Variants in GID8 observed in about 807,000 individuals in gnomAD.
The protein encoded by GID8 is glucose-induced degradation protein 8 homolog.
Under a neutral mutation model 27.4 loss-of-function variants are expected in GID8, and 6 were observed. The observed-to-expected ratio is 0.22, with a 90% CI of 0.12 to 0.43. The LOEUF (loss-of-function observed/expected upper bound fraction) is 0.43, where lower values mean the gene tolerates loss of function less well. GID8 is among the 20% of genes least tolerant of loss of function. The probability of loss-of-function intolerance (pLI) is 1.00; values close to 1 mark genes in which losing one functional copy is unlikely to be tolerated. For missense variants in GID8, 173 were observed against 287.6 expected (o/e 0.60, Z 2.88); for synonymous variants, 112 against 109.0 (o/e 1.03, Z -0.17).
intron 1 of GID8, among the ~76,000 whole-genome samples, chr20:62,940,096 G>A (rs952222269): frequency 6.6e-6 from 1 of 151,660 alleles, no homozygotes; most frequent in Non-Finnish European, 1.5e-5. Context: ...TGTTGCTAAA[G>A]CACATGTCAT....
Position 62,946,374 on chromosome 20 carries a change from C to G in GID8, c.*1462C>G, listed in dbSNP as rs147806663. 3.2e-4 allele frequency: 69 copies of G among 212,584 alleles called. No homozygotes were observed. Among genetic ancestry groups the G allele is most frequent in the Non-Finnish European group, 5.3e-4 (55 of 103,748 alleles). The allele number at this position is 212,584 out of a possible 1,614,324, so 13.2% of individuals were successfully genotyped here. ...ACCGTCCTCACCGAGCTCCTGCATCCCTTGAGTGTTGATCAGGAGGCGTCC... is the reference window on the plus strand; with the variant it reads ...ACCGTCCTCACCGAGCTCCTGCATCGCTTGAGTGTTGATCAGGAGGCGTCC... On this transcript the variant is annotated 3_prime_UTR_variant, in exon 5 of 5. Transcript: ENST00000266069.
In GID8 at chr20:62,943,378, A is replaced by G. The variant is rs1601071898; in HGVS notation, c.316-117A>G. 5 of 1,069,666 alleles carry G rather than the reference A, an allele frequency of 4.7e-6. No homozygotes were observed. The East Asian group carries it at 7.2e-5, about 15-fold the overall frequency. The allele number at this position is 1,069,666 out of a possible 1,614,324, so 66.3% of individuals were successfully genotyped here. ...TTTAAAAATGCAAATTTGATAACTCAGAGATGCAAGAAAAGTCTTCCCTCT... is the reference window on the plus strand; with the variant it reads ...TTTAAAAATGCAAATTTGATAACTCGGAGATGCAAGAAAAGTCTTCCCTCT... On this transcript the variant is annotated intron_variant, in intron 3 of 4. Coordinates refer to ENST00000266069, the MANE Select transcript of GID8 (RefSeq NM_017896.3). The surrounding 1 kb of genome is among the most constrained non-coding windows in gnomAD (Gnocchi z 4.7).
chr20:62,938,426 C>T (rs1287030792), intron 1 of GID8, among the ~76,000 whole-genome samples, 173 bp downstream of exon 1: 1 of 151,994 alleles, frequency 6.6e-6, no homozygotes, highest in East Asian at 1.9e-4. Flanking sequence ...GCCCGGACGG[C>T]CGCCCCGCGC....
rs1000619885 is a variant in GID8, at chr20:62,947,631, G to A, written c.*2719G>A. 5 of 152,530 alleles carry A rather than the reference G, an allele frequency of 3.3e-5. No individual in the cohort carries two copies. Among genetic ancestry groups the A allele is most frequent in the African/African-American group, 1.2e-4 (5 of 41,448 alleles). 9.4% of individuals were successfully genotyped at this position (152,530 alleles called of 1,614,324 possible). A position where few individuals can be genotyped will look rare whatever the true frequency, so the allele number is the denominator to read the frequency against. On this transcript the variant is annotated 3_prime_UTR_variant, in exon 5 of 5. Coordinates refer to ENST00000266069, the MANE Select transcript of GID8 (RefSeq NM_017896.3). ...CATAGGGTTATTGCAAGGCAAATGGGAACTAACACATCTTGCCATTTGAAT... is the reference window on the plus strand; with the variant it reads ...CATAGGGTTATTGCAAGGCAAATGGAAACTAACACATCTTGCCATTTGAAT...
chr20:62,945,029 T>G lies in GID8; in HGVS notation c.*117T>G. 7.0e-7 allele frequency: 1 copy of G among 1,436,350 alleles called. No homozygotes were observed. Among genetic ancestry groups the G allele is most frequent in the Admixed American group, 2.9e-5 (1 of 34,912 alleles). 89.0% of individuals were successfully genotyped at this position (1,436,350 alleles called of 1,614,324 possible). The stretch of plus-strand genomic sequence containing the variant: ...GAGAACTCTTTTTCTCCCTTGTACT[T>G]TTTTTTGACCTGGCATCTTTTTATA... On this transcript the variant is annotated 3_prime_UTR_variant, in exon 5 of 5. Coordinates refer to ENST00000266069, the MANE Select transcript of GID8 (RefSeq NM_017896.3).
chr20:62,943,251 A>G lies in GID8; in HGVS notation c.315+68A>G. 8.2e-7 allele frequency: 1 copy of G among 1,218,502 alleles called. No homozygotes were observed. The highest frequency in any genetic ancestry group is 1.2e-6 in the Non-Finnish European group (1 of 848,212). The allele number at this position is 1,218,502 out of a possible 1,614,324, so 75.5% of individuals were successfully genotyped here. A position where few individuals can be genotyped will look rare whatever the true frequency, so the allele number is the denominator to read the frequency against. ...AAGTTAAAGTTATTTGCAATGATTG[A>G]GAAATAACTAGGCTAATTTGCTTTA... On this transcript the variant is annotated intron_variant, in intron 3 of 4. Transcript: ENST00000266069. The surrounding 1 kb of genome is among the most constrained non-coding windows in gnomAD (Gnocchi z 4.7).
At chr20:62,942,526 A>T (rs975671255) in intron 2 of GID8, among the ~76,000 whole-genome samples, 1 of 152,240 alleles carries the variant, frequency 6.6e-6, no homozygotes, top group Non-Finnish European at 1.5e-5. Context: ...AGGGGCACAC[A>T]TGCTGGCTTT....
intron 1 of GID8, among the ~76,000 whole-genome samples, 182 bp downstream of exon 1, chr20:62,938,435 G>C (rs1053902078): frequency 2.0e-5 from 3 of 152,078 alleles, no homozygotes; most frequent in Admixed American, 1.3e-4. Flanking sequence ...GCCGCCCCGC[G>C]CCGGTGCCCA....
Position 62,942,970 on chromosome 20 carries a change from A to G in GID8, c.119-17A>G, listed in dbSNP as rs370213181. ...CTTGCTAACTTTCCTAGCAGTGAAGATGGTTTTTCTATTCAGAGGGCTTTA... is the reference window on the plus strand; with the variant it reads ...CTTGCTAACTTTCCTAGCAGTGAAGGTGGTTTTTCTATTCAGAGGGCTTTA... On this transcript the variant is annotated splice_polypyrimidine_tract_variant and intron_variant, in intron 2 of 4. Transcript: ENST00000266069. 1.0e-5 allele frequency: 16 copies of G among 1,594,358 alleles called. No homozygotes were observed. In the African/African-American group the frequency reaches 1.2e-4, roughly 12 times the overall value.
At chr20:62,940,157 C>T (rs927730847) in intron 1 of GID8, among the ~76,000 whole-genome samples, 7 of 151,924 alleles carry the variant, frequency 4.6e-5, no homozygotes, top group Non-Finnish European at 1.0e-4. Flanking sequence ...TTGGCCTCTC[C>T]TGCAACTCTC....
rs1340439038 is a variant in GID8, at chr20:62,945,974, C to A, written c.*1062C>A. ...TCACTCACAGAACTGTCCCCTGCTC[C>A]GTGGTGGGCAGGAGGGAAGTGGTGC... On this transcript the variant is annotated 3_prime_UTR_variant, in exon 5 of 5. Transcript: ENST00000266069. 6 of 1,289,408 alleles carry A rather than the reference C, an allele frequency of 4.7e-6. No individual in the cohort carries two copies. Among genetic ancestry groups the A allele is most frequent in the South Asian group, 1.2e-5 (1 of 81,030 alleles). The allele number at this position is 1,289,408 out of a possible 1,614,324, so 79.9% of individuals were successfully genotyped here.
chr20:62,939,363 G>T (rs1430694005), intron 1 of GID8, among the ~76,000 whole-genome samples: 4 of 151,940 alleles, frequency 2.6e-5, no homozygotes, highest in Non-Finnish European at 5.9e-5. Context: ...CCCTATCTAC[G>T]CTCTTCCTAT....
chr20:62,944,772 T>C lies in GID8; in HGVS notation c.547T>C (p.Tyr183His). 6.2e-7 allele frequency: 1 copy of C among 1,614,116 alleles called. No individual in the cohort carries two copies. Among genetic ancestry groups the C allele is most frequent in the Non-Finnish European group, 8.5e-7 (1 of 1,179,940 alleles). Residue 183 changes from tyrosine to histidine, a missense_variant, in exon 5 of 5, where the codon TAT (tyrosine) becomes CAT (histidine). Tyr to His is a moderately conservative substitution (Grantham distance 83, BLOSUM62 2). Transcript: ENST00000266069. ...WSEVNQAVLD[Y>H]ENRESTPKLA... ...TGAAGTTAACCAAGCTGTGCTAGAT[T>C]ATGAAAATCGCGAGTCAACACCCAA...
chr20:62,944,873 GA>G lies in GID8; in HGVS notation c.649del (p.Thr217GlnfsTer7). On this transcript the variant is annotated frameshift_variant, in exon 5 of 5. Transcript: ENST00000266069. LOFTEE classifies it high-confidence loss of function. ...AGAAGAAAGTAAAATATCCCAAAAT[GA>G]CAGACCTCAGCAAGGGTGTGATTGA... is the stretch of plus-strand genomic sequence containing the variant. The part of the protein sequence containing the change: ...DQKKVKYPKM[T>X]DLSKGVIEEP... The G allele has an allele frequency of 1.2e-6, 2 of 1,613,878 alleles. No individual in the cohort carries two copies. Among genetic ancestry groups the G allele is most frequent in the Non-Finnish European group, 1.7e-6 (2 of 1,179,864 alleles).
In GID8 at chr20:62,946,331, G is replaced by T; in HGVS notation, c.*1419G>T. 3.6e-6 allele frequency: 1 copy of T among 277,118 alleles called. No homozygotes were observed. Among genetic ancestry groups the T allele is most frequent in the South Asian group, 3.2e-5 (1 of 31,640 alleles). 17.2% of individuals were successfully genotyped at this position (277,118 alleles called of 1,614,324 possible). ...GCTTGCCAGTACCTGAGCCGGTCGGGTCATCTGCCTCTGAGGGACCGTCCT... is the reference window on the plus strand; with the variant it reads ...GCTTGCCAGTACCTGAGCCGGTCGGTTCATCTGCCTCTGAGGGACCGTCCT... On this transcript the variant is annotated 3_prime_UTR_variant, in exon 5 of 5. Coordinates refer to ENST00000266069, the MANE Select transcript of GID8 (RefSeq NM_017896.3).
chr20:62,941,586 C>A lies in GID8; in HGVS notation c.84C>A (p.Asp28Glu). Residue 28 changes from aspartate to glutamate, a missense_variant, in exon 2 of 5, where the codon GAC (aspartate) becomes GAA (glutamate). By Grantham distance (45) the Asp-to-Glu change is conservative. Coordinates refer to ENST00000266069, the MANE Select transcript of GID8 (RefSeq NM_017896.3). ...ATAACTTGCATGTCCAGAGAGCAGACATGAACCGCCTCATCATGAACTACC... is the reference window on the plus strand; with the variant it reads ...ATAACTTGCATGTCCAGAGAGCAGAAATGAACCGCCTCATCATGAACTACC... ...KLNNLHVQRA[D>E]MNRLIMNYLV... 1 of 1,607,860 alleles carries A rather than the reference C, an allele frequency of 6.2e-7. No homozygotes were observed. The highest frequency in any genetic ancestry group is 8.5e-7 in the Non-Finnish European group (1 of 1,174,266).
chr20:62,942,015 G>A (rs1164829697), intron 2 of GID8, among the ~76,000 whole-genome samples: 1 of 152,200 alleles, frequency 6.6e-6, no homozygotes, highest in Non-Finnish European at 1.5e-5. Flanking sequence ...GCGTGCAGAG[G>A]GAAATAACAG....
rs1170702738 is a variant in GID8, at chr20:62,947,639, A to G, written c.*2727A>G. ...TATTGCAAGGCAAATGGGAACTAACACATCTTGCCATTTGAATCAGGGTCT... is the reference window on the plus strand; with the variant it reads ...TATTGCAAGGCAAATGGGAACTAACGCATCTTGCCATTTGAATCAGGGTCT... On this transcript the variant is annotated 3_prime_UTR_variant, in exon 5 of 5. Coordinates refer to ENST00000266069, the MANE Select transcript of GID8 (RefSeq NM_017896.3). 1 of 152,552 alleles carries G rather than the reference A, an allele frequency of 6.6e-6. No individual in the cohort carries two copies. The highest frequency in any genetic ancestry group is 1.5e-5 in the Non-Finnish European group (1 of 68,054). The allele number at this position is 152,552 out of a possible 1,614,324, so 9.4% of individuals were successfully genotyped here. A position where few individuals can be genotyped will look rare whatever the true frequency, so the allele number is the denominator to read the frequency against.
chr20:62,940,178 CT>C (rs1233081447), intron 1 of GID8, among the ~76,000 whole-genome samples: 3 of 139,514 alleles, frequency 2.2e-5, no homozygotes, highest in Admixed American at 7.7e-5. Flanking sequence ...TTTTTCTTTT[CT>C]TTTTTTTCTT....
Sources: allele counts gnomAD v4.1 joint callset (sites outside exome capture counted in the v4.1 genomes callset), GRCh38; gene constraint gnomAD v4.1.1; non-coding constraint Gnocchi (gnomAD v3.1); transcripts MANE v1.5; gene names NCBI Gene and HGNC (gene_info 2026-07-23, HGNC 2026-07-21).